The following ZNF577 variants were observed in gnomAD, a reference collection of about 807,000 sequenced individuals.
ZNF577 encodes the protein zinc finger protein 577.
A neutral mutation model predicts 13.9 loss-of-function variants in ZNF577; 14 were observed. The observed-to-expected ratio is 1.00, with a 90% CI of 0.66 to 1.57. ZNF577 has a LOEUF of 1.57. Among genes scored for constraint, ZNF577 ranks in the 40% most tolerant of loss-of-function variants. The pLI is 0.00. For missense variants in ZNF577, 555 were observed against 579.2 expected (o/e 0.96, Z 0.43); for synonymous variants, 203 against 202.9 (o/e 1.00, Z 0.00).
At chr19:51,815,695 C>T (rs1410779391) in intron 9 of ZNF577, among the ~76,000 whole-genome samples, 1 of 151,492 alleles carries the variant, frequency 6.6e-6, no homozygotes, top group Admixed American at 6.6e-5. Context: ...ATGGCGAAAC[C>T]CTGTTTGTAC....
At chr19:51,841,797 T>TA (rs1049079390) in intron 8 of ZNF577, among the ~76,000 whole-genome samples, 4 of 152,190 alleles carry the variant, frequency 2.6e-5, no homozygotes, top group Admixed American at 6.5e-5. Context: ...CAGGCACCTG[T>TA]AATCCCACCT....
chr19:51,841,060 C>T (rs76761529), intron 8 of ZNF577: 1 of 152,154 alleles, frequency 6.6e-6, no homozygotes, highest in South Asian at 2.1e-4. Flanking sequence ...GGAAGCCCCC[C>T]ACCATTTCAC....
chr19:51,838,344 G>A (rs561312971), intron 9 of ZNF577, among the ~76,000 whole-genome samples: 1 of 133,436 alleles, frequency 7.5e-6, no homozygotes, highest in East Asian at 2.3e-4. Flanking sequence ...GCAAAGATGG[G>A]ACAGAAATGA....
chr19:51,839,724 A>G (rs1400639274), intron 9 of ZNF577: 1 of 151,990 alleles, frequency 6.6e-6, no homozygotes, highest in Non-Finnish European at 1.5e-5. Flanking sequence ...ACCGACTTCC[A>G]CTCGACGCTG....
At chr19:51,844,060 T>C (rs2084336269) in intron 6 of ZNF577, among the ~76,000 whole-genome samples, 1 of 151,498 alleles carries the variant, frequency 6.6e-6, no homozygotes, top group African/African-American at 2.4e-5. Context: ...CTTTTTTTTT[T>C]TTTTTTTTTT....
intron 5 of ZNF577, among the ~76,000 whole-genome samples, chr19:51,875,294 C>T (rs1029663007): frequency 3.8e-4 from 54 of 142,176 alleles, no homozygotes; most frequent in Middle Eastern, 4.0e-3. Context: ...ACCTGGGTGG[C>T]AGAGGTTGCA....
At chr19:51,843,075 C>A (rs2084329828) in intron 7 of ZNF577, 2 of 152,214 alleles carry the variant, frequency 1.3e-5, no homozygotes, top group African/African-American at 2.4e-5. Context: ...AAAAAAAGTT[C>A]TAAAAGTCAA....
At chr19:51,877,490 T>A (rs1198537351) in intron 4 of ZNF577, 113 bp from the exon 5 acceptor site, 1 of 825,644 alleles carries the variant, frequency 1.2e-6, no homozygotes, top group African/African-American at 1.7e-5. Context: ...AGCAAAACTC[T>A]TTCACTCAGG....
At chr19:51,883,616 A>G (rs556608330) in intron 1 of ZNF577, among the ~76,000 whole-genome samples, 2 of 112,430 alleles carry the variant, frequency 1.8e-5, no homozygotes, top group South Asian at 2.9e-4. Context: ...AAAAACAAAG[A>G]AAAAAAAAGG....
intron 9 of ZNF577, among the ~76,000 whole-genome samples, chr19:51,813,162 C>CACACA (rs1407461186): frequency 1.3e-4 from 17 of 135,126 alleles, no homozygotes; most frequent in African/African-American, 4.2e-4. Flanking sequence ...ACACACACAC[C>CACACA]CCATAAATTT....
At chr19:51,856,713 C>T (rs774897694) in intron 5 of ZNF577, among the ~76,000 whole-genome samples, 88 of 152,040 alleles carry the variant, frequency 5.8e-4, no homozygotes, top group Non-Finnish European at 9.7e-4. Flanking sequence ...CCATTTAAGA[C>T]GAGAAACTTG....
At chr19:51,811,069 C>G (rs1014412751) in intron 10 of ZNF577, among the ~76,000 whole-genome samples, 2 of 150,986 alleles carry the variant, frequency 1.3e-5, no homozygotes, top group African/African-American at 4.9e-5. Flanking sequence ...AGTGGGACAA[C>G]AGATTCTTTC....
At position 51,872,864 on chromosome 19, in the gene ZNF577, G is replaced by T. The variant is rs140596477; in HGVS notation, c.1126C>A (p.His376Asn). Reference protein sequence around the residue: ...MSVLIKHEKTHIRETAINSLT... With the variant: ...MSVLIKHEKTNIRETAINSLT... ...GAATTTATGGCTGTCTCTCTTATGT[G>T]AGTTTTCTCATGTTTAATGAGGACT... is the stretch of plus-strand genomic sequence containing the variant. The change falls in exon 6 of 6, where the codon CAC becomes AAC. Residue 376 changes from histidine to asparagine, a missense_variant. Physicochemically the swap from His to Asn is moderately conservative, Grantham distance 68. Coordinates refer to ENST00000638348, the MANE Select transcript of ZNF577 (RefSeq NM_001370449.1). 1 of 1,614,170 alleles carries T rather than the reference G, an allele frequency of 6.2e-7. No individual in the cohort carries two copies. The highest frequency in any genetic ancestry group is 8.5e-7 in the Non-Finnish European group (1 of 1,180,032).
chr19:51,824,142 T>TG lies in ZNF577; in HGVS notation c.*600-12469dup. ...CTGTATTTGTGTCCTGCATCCAGCC[T>TG]GGGCCCAGAACCATCGCACCATGAG... On this transcript the variant is annotated intron_variant and NMD_transcript_variant, in intron 9 of 10. Transcript: ENST00000638827. The surrounding 1 kb of genome is among the most constrained non-coding windows in gnomAD (Gnocchi z 4.7). 1 of 1,614,038 alleles carries TG rather than the reference T, an allele frequency of 6.2e-7. No homozygotes were observed. Among genetic ancestry groups the TG allele is most frequent in the Non-Finnish European group, 8.5e-7 (1 of 1,179,944 alleles).
intron 5 of ZNF577, among the ~76,000 whole-genome samples, chr19:51,876,379 G>A (rs1045675165): frequency 6.6e-6 from 1 of 151,864 alleles, no homozygotes; most frequent in Non-Finnish European, 1.5e-5. Context: ...GCTACTTTGC[G>A]AGTCTCCAGC....
intron 4 of ZNF577, 103 bp downstream of exon 4, chr19:51,878,286 T>C: frequency 2.4e-6 from 3 of 1,271,504 alleles, no homozygotes; most frequent in Non-Finnish European, 3.2e-6. Context: ...ACAAAAAATC[T>C]ATAACATATA....
intron 5 of ZNF577, among the ~76,000 whole-genome samples, chr19:51,857,876 G>A (rs979587116): frequency 2.0e-5 from 3 of 151,954 alleles, no homozygotes; most frequent in African/African-American, 7.3e-5. Flanking sequence ...GTCTCGTTAC[G>A]TTGCCCAGGC....
chr19:51,872,811 C>A lies in ZNF577; in HGVS notation c.1179G>T (p.Arg393Ser), dbSNP rs1441105335. The change falls in exon 6 of 6, where the codon AGG becomes AGT. Residue 393 changes from arginine to serine, a missense_variant. Transcript: ENST00000638348. Reference protein sequence around the residue: ...NSLTVEKPSSRSHTSLYMSEL... With the variant: ...NSLTVEKPSSSSHTSLYMSEL... Reference sequence around the variant, plus strand: ...CGCTCATGTATAAGGAGGTATGACTCCTTGAGGAAGGTTTCTCCACCGTCA... The same window carrying A: ...CGCTCATGTATAAGGAGGTATGACTACTTGAGGAAGGTTTCTCCACCGTCA... 1.9e-6 allele frequency: 3 copies of A among 1,614,130 alleles called. No homozygotes were observed. In the African/African-American group the frequency reaches 4.0e-5, roughly 22 times the overall value.
At chr19:51,817,645 T>A (rs927423076) in intron 9 of ZNF577, 1 of 152,184 alleles carries the variant, frequency 6.6e-6, no homozygotes, top group Non-Finnish European at 1.5e-5. Flanking sequence ...ATCAAACTTC[T>A]CTGTTCTACT....
Sources: allele counts gnomAD v4.1 joint callset (sites outside exome capture counted in the v4.1 genomes callset), GRCh38; gene constraint gnomAD v4.1.1; non-coding constraint Gnocchi (gnomAD v3.1); transcripts MANE v1.5; gene names NCBI Gene and HGNC (gene_info 2026-07-23, HGNC 2026-07-21).